Variants in COL5A2 observed in about 807,000 individuals in gnomAD.
The protein encoded by COL5A2 is collagen type V alpha 2 chain, also known as collagen alpha-2(V) chain.
In COL5A2, 23 loss-of-function variants were observed where a neutral mutation model predicts 208.2. That is an observed-to-expected ratio of 0.11 (90% CI 0.08 to 0.16). The LOEUF (loss-of-function observed/expected upper bound fraction) is 0.16, where lower values mean the gene tolerates loss of function less well. COL5A2 is among the 10% of genes least tolerant of loss of function. The pLI is 1.00. For missense variants in COL5A2, 1,590 were observed against 1,956.4 expected (o/e 0.81, Z 3.53); for synonymous variants, 625 against 628.5 (o/e 0.99, Z 0.08).
At chr2:189,181,249 G>T (rs1299048541), upstream of COL5A2, among the ~76,000 whole-genome samples, 1 of 152,128 alleles carries the variant, frequency 6.6e-6, no homozygotes, top group African/African-American at 2.4e-5. Context: ...ATATTCCAGT[G>T]GAGGTCAATT....
the COL5A2 span, among the ~76,000 whole-genome samples, chr2:189,334,183 G>C: frequency 6.6e-6 from 1 of 151,860 alleles, no homozygotes; most frequent in Admixed American, 6.6e-5. Flanking sequence ...AACGCTGAAG[G>C]CTGTCACCCT....
chr2:189,109,848 T>C (rs1687225457), intron 2 of COL5A2, among the ~76,000 whole-genome samples: 1 of 152,308 alleles, frequency 6.6e-6, no homozygotes, highest in East Asian at 1.9e-4. Flanking sequence ...GGCATCATTG[T>C]AGATAAATGT....
intron 1 of COL5A2, among the ~76,000 whole-genome samples, chr2:189,218,955 C>T (rs939718404): frequency 1.3e-5 from 2 of 152,090 alleles, no homozygotes; most frequent in Non-Finnish European, 1.5e-5. Flanking sequence ...TACTTCAGTG[C>T]GCAGAAATGC....
Position 189,049,461 on chromosome 2 carries a change from T to TAG in COL5A2, c.3040-9_3040-8dup, listed in dbSNP as rs1314660086. 6.2e-7 allele frequency: 1 copy of TAG among 1,605,414 alleles called. No individual in the cohort carries two copies. Among genetic ancestry groups the TAG allele is most frequent in the Admixed American group, 1.7e-5 (1 of 59,748 alleles). ...CTACTTTTCCTGGTGTTCCCTGAAA[T>TAG]AGAAGTATAAATGTCAAACACTTGT... On this transcript the variant is annotated splice_region_variant and splice_polypyrimidine_tract_variant and intron_variant, in intron 43 of 53. Coordinates refer to ENST00000374866, the MANE Select transcript of COL5A2 (RefSeq NM_000393.5).
chr2:189,415,908 C>A, the COL5A2 span, among the ~76,000 whole-genome samples: 146 of 152,316 alleles, frequency 9.6e-4, 2 homozygotes, highest in African/African-American at 3.2e-3. Flanking sequence ...GATCCTCCCA[C>A]TTTGGCCTCC....
the COL5A2 span, among the ~76,000 whole-genome samples, chr2:189,333,063 A>G: frequency 6.6e-6 from 1 of 152,232 alleles, no homozygotes; most frequent in South Asian, 2.1e-4. Flanking sequence ...AGCATATCTC[A>G]CAGCAAAATT....
intron 1 of COL5A2, among the ~76,000 whole-genome samples, chr2:189,220,527 T>A (rs965721302): frequency 6.6e-6 from 1 of 152,034 alleles, no homozygotes; most frequent in Non-Finnish European, 1.5e-5. Flanking sequence ...TGCCAATCAC[T>A]TCCACATTAG....
intron 12 of COL5A2, among the ~76,000 whole-genome samples, chr2:189,081,671 CAGAAA>C (rs1275342940): frequency 1.3e-5 from 2 of 151,998 alleles, no homozygotes; most frequent in African/African-American, 4.8e-5. Flanking sequence ...AAATATCCAA[CAGAAA>C]AGAAAGTCAA....
intron 15 of COL5A2, among the ~76,000 whole-genome samples, 189 bp from the exon 16 acceptor site, chr2:189,078,758 A>G (rs1170346708): frequency 2.0e-5 from 3 of 152,178 alleles, no homozygotes; most frequent in Non-Finnish European, 4.4e-5. Context: ...TCTTACATAA[A>G]TAGATTTCAC....
the COL5A2 span, among the ~76,000 whole-genome samples, chr2:189,416,258 A>T: frequency 2.0e-5 from 3 of 152,224 alleles, no homozygotes; most frequent in Non-Finnish European, 4.4e-5. Flanking sequence ...AGACACAAGC[A>T]CATGTATGTT....
chr2:189,150,819 T>C (rs574696250), intron 1 of COL5A2, among the ~76,000 whole-genome samples: 4 of 152,270 alleles, frequency 2.6e-5, no homozygotes, highest in Non-Finnish European at 4.4e-5. Flanking sequence ...TCCAATTTCT[T>C]AGGAATTTCT....
intron 5 of COL5A2, 145 bp from the exon 6 acceptor site, chr2:189,097,475 G>T: frequency 1.2e-6 from 1 of 847,164 alleles, no homozygotes; most frequent in Non-Finnish European, 1.9e-6. Flanking sequence ...ATAAAGCCAT[G>T]TGCATATAAA....
chr2:189,398,105 A>AT, the COL5A2 span, among the ~76,000 whole-genome samples: 2 of 151,978 alleles, frequency 1.3e-5, no homozygotes, highest in South Asian at 2.1e-4. Flanking sequence ...TCTAGTTGAC[A>AT]TTTTTTTCAT....
At chr2:189,144,961 C>T (rs955773642) in intron 1 of COL5A2, among the ~76,000 whole-genome samples, 1 of 152,120 alleles carries the variant, frequency 6.6e-6, no homozygotes, top group Non-Finnish European at 1.5e-5. Context: ...TGCAATTTTC[C>T]TCTTGTTCCA....
the COL5A2 span, among the ~76,000 whole-genome samples, chr2:189,342,051 A>C: frequency 6.6e-6 from 1 of 152,004 alleles, no homozygotes; most frequent in African/African-American, 2.4e-5. Flanking sequence ...TACTTTCTTA[A>C]ATAACAAAAT....
At chr2:189,039,700 G>T in intron 50 of COL5A2, 137 bp from the exon 51 acceptor site, 1 of 757,364 alleles carries the variant, frequency 1.3e-6, no homozygotes, top group East Asian at 2.7e-5. Flanking sequence ...GCGCCCTTTT[G>T]TAACTAGATG....
chr2:189,325,337 A>C, the COL5A2 span, among the ~76,000 whole-genome samples: 1 of 147,046 alleles, frequency 6.8e-6, no homozygotes, highest in African/African-American at 2.4e-5. Flanking sequence ...TATATATATA[A>C]ATAAAAAAAT....
rs1282308844 is a variant in COL5A2, at chr2:189,032,878, C to A, written c.*1192G>T. 6.6e-6 allele frequency: 1 copy of A among 152,526 alleles called. No individual in the cohort carries two copies. Among genetic ancestry groups the A allele is most frequent in the African/African-American group, 2.4e-5 (1 of 41,424 alleles). The allele number at this position is 152,526 out of a possible 1,614,324, so 9.4% of individuals were successfully genotyped here. A position where few individuals can be genotyped will look rare whatever the true frequency, so the allele number is the denominator to read the frequency against. ...GAATTTTATAGGAAGAATTTTAGCACCATCATTAAAGGAAAAATAATAATA... is the reference window on the plus strand; with the variant it reads ...GAATTTTATAGGAAGAATTTTAGCAACATCATTAAAGGAAAAATAATAATA... On this transcript the variant is annotated 3_prime_UTR_variant, in exon 54 of 54. Transcript: ENST00000374866.
At chr2:189,285,071 G>GGTGTGTGTGTGTGTGTGTGT in the COL5A2 span, among the ~76,000 whole-genome samples, 60 of 139,790 alleles carry the variant, frequency 4.3e-4, 1 homozygote, top group East Asian at 8.5e-4. Context: ...GCATGCACAT[G>GGTGTGTGTGTGTGTGTGTGT]GTGTGTGTGT....
Sources: allele counts gnomAD v4.1 joint callset (sites outside exome capture counted in the v4.1 genomes callset), GRCh38; gene constraint gnomAD v4.1.1; transcripts MANE v1.5; gene names NCBI Gene and HGNC (gene_info 2026-07-23, HGNC 2026-07-21).